The following TRAPPC11 variants were observed in gnomAD, a reference collection of about 807,000 sequenced individuals.
TRAPPC11 encodes the protein foie gras homolog.
A neutral mutation model predicts 151.2 loss-of-function variants in TRAPPC11; 104 were observed. The observed-to-expected ratio is 0.69, with a 90% CI of 0.59 to 0.81. The LOEUF is 0.81. Ranked by LOEUF, TRAPPC11 falls within the 30% of genes least tolerant of loss-of-function variation. The pLI, the probability that TRAPPC11 is intolerant of heterozygous loss-of-function variation, is 0.00. For missense variants in TRAPPC11, 1,230 were observed against 1,349.6 expected (o/e 0.91, Z 1.39); for synonymous variants, 456 against 472.3 (o/e 0.97, Z 0.45).
rs774659497 is a variant in TRAPPC11 at position 183,686,728 on chromosome 4, T to A, written c.1873T>A (p.Cys625Ser). Residue 625 changes from cysteine (C) to serine (S), a missense_variant, in exon 18 of 30, where the codon TGT (cysteine) becomes AGT (serine). Physicochemically the swap from Cys to Ser is moderately radical, Grantham distance 112 (BLOSUM62 -1). Coordinates refer to ENST00000334690, the MANE Select transcript of TRAPPC11 (RefSeq NM_021942.6). ...ACATCCCATTAGGTTTTCCAAGCTC[T>A]GTGTCAGCTTTAATAATCAGGTAAT... ...CPHPIRFSKL[C>S]VSFNNQEYNQ... 1 of 1,614,100 alleles carries A rather than the reference T, an allele frequency of 6.2e-7. No individual in the cohort carries two copies. Among genetic ancestry groups the A allele is most frequent in the Non-Finnish European group, 8.5e-7 (1 of 1,179,950 alleles).
intron 10 of TRAPPC11, among the ~76,000 whole-genome samples, chr4:183,680,771 A>C (rs62357993): frequency 0.12 from 15,938 of 137,684 alleles, 919 homozygotes; most frequent in African/African-American, 0.15. Context: ...TGCATCCTCC[A>C]TCTCTTCATC....
rs1561052960 is a variant in TRAPPC11, at chr4:183,693,589, G to A, written c.2238G>A (p.Met746Ile). Residue 746 changes from methionine (M) to isoleucine (I), a missense_variant and splice_region_variant, in exon 21 of 30, where the codon ATG (methionine) becomes ATA (isoleucine). Met to Ile is a conservative substitution (Grantham distance 10). Transcript: ENST00000334690. ...ACTTAGCTAAGGTTTCTTTTCAAAG[G>A]ATCATATCCAGAGTCCCAAACATTT... ...WDSIIIQAST[M>I]IISRVPNISV... 1 of 1,600,196 alleles carries A rather than the reference G, an allele frequency of 6.2e-7. No homozygotes were observed. Among genetic ancestry groups the A allele is most frequent in the East Asian group, 2.2e-5 (1 of 44,784 alleles).
At chr4:183,665,365 A>G (rs11132204) in intron 2 of TRAPPC11, among the ~76,000 whole-genome samples, 10 of 152,240 alleles carry the variant, frequency 6.6e-5, no homozygotes, top group Non-Finnish European at 1.0e-4. Context: ...AAGTGCTGGG[A>G]TTACAGGCGT....
chr4:183,681,772 C>CA (rs148717952), intron 10 of TRAPPC11, among the ~76,000 whole-genome samples: 48,148 of 121,696 alleles, frequency 0.4, 8,712 homozygotes, highest in African/African-American at 0.55. Context: ...AACTCTGTCT[C>CA]AAAAAGAAAA....
chr4:183,712,702 G>A lies in TRAPPC11; in HGVS notation c.*58G>A, dbSNP rs1737393555. ...AGATGTTGGGCAGAGCTATGCAGGT[G>A]TTTCATTGTGAACTCTAGCTTTGAT... On this transcript the variant is annotated 3_prime_UTR_variant, in exon 30 of 30. Coordinates refer to ENST00000334690, the MANE Select transcript of TRAPPC11 (RefSeq NM_021942.6). 1.3e-6 allele frequency: 2 copies of A among 1,546,038 alleles called. No individual in the cohort carries two copies. Among genetic ancestry groups the A allele is most frequent in the East Asian group, 2.2e-5 (1 of 44,532 alleles).
At chr4:183,690,085 C>G (rs1051247391) in intron 18 of TRAPPC11, among the ~76,000 whole-genome samples, 3 of 152,096 alleles carry the variant, frequency 2.0e-5, no homozygotes. Context: ...TGCCTGTAGT[C>G]TCAGCTACTT....
chr4:183,701,584 CA>C, intron 25 of TRAPPC11, 112 bp from the exon 26 acceptor site: 2 of 712,318 alleles, frequency 2.8e-6, no homozygotes, highest in East Asian at 2.7e-5. Context: ...TAAGTCTCTA[CA>C]AGTAATATAT....
At chr4:183,691,287 A>G (rs1199018409) in intron 18 of TRAPPC11, 29 bp from the exon 19 acceptor site, 4 of 1,436,924 alleles carry the variant, frequency 2.8e-6, no homozygotes, top group Admixed American at 2.1e-5. Flanking sequence ...GACATCTGAC[A>G]TTTGATGACC....
chr4:183,665,257 G>A (rs1419581170), intron 2 of TRAPPC11, among the ~76,000 whole-genome samples: 2 of 151,956 alleles, frequency 1.3e-5, no homozygotes, highest in African/African-American at 4.8e-5. Flanking sequence ...ACCACGTCCA[G>A]CTAATTTTCT....
chr4:183,699,736 A>G (rs1736710389), intron 25 of TRAPPC11, among the ~76,000 whole-genome samples: 1 of 152,158 alleles, frequency 6.6e-6, no homozygotes. Context: ...TCCAGCTTCT[A>G]GAGGTCACCT....
intron 29 of TRAPPC11, among the ~76,000 whole-genome samples, chr4:183,709,551 A>G (rs531945473): frequency 6.6e-6 from 1 of 152,222 alleles, no homozygotes; most frequent in Non-Finnish European, 1.5e-5. Flanking sequence ...CGAGGCGGGC[A>G]GATCATAAGG....
At chr4:183,678,250 A>G (rs575852688) in intron 8 of TRAPPC11, among the ~76,000 whole-genome samples, 14 of 152,166 alleles carry the variant, frequency 9.2e-5, no homozygotes, top group Non-Finnish European at 1.9e-4. Flanking sequence ...GGAAACTTTT[A>G]TACCTACTGT....
At chr4:183,683,200 A>G (rs992177023) in intron 11 of TRAPPC11, among the ~76,000 whole-genome samples, 1 of 151,950 alleles carries the variant, frequency 6.6e-6, no homozygotes, top group African/African-American at 2.4e-5. Flanking sequence ...GTTGTTTTAA[A>G]TGACACATGC....
At position 183,712,654 on chromosome 4, in the gene TRAPPC11, C is replaced by A. The variant is rs373447557; in HGVS notation, c.*10C>A. 6.2e-7 allele frequency: 1 copy of A among 1,614,040 alleles called. No individual in the cohort carries two copies. The highest frequency in any genetic ancestry group is 8.5e-7 in the Non-Finnish European group (1 of 1,179,906). ...TATTGCTGCTGCATGATGTTCAAGA[C>A]CGGCCCTTGGCTGTTGTTACAGAGA... On this transcript the variant is annotated 3_prime_UTR_variant, in exon 30 of 30. Transcript: ENST00000334690.
At chr4:183,669,647 T>C (rs1579164244) in intron 5 of TRAPPC11, among the ~76,000 whole-genome samples, 2 of 152,336 alleles carry the variant, frequency 1.3e-5, no homozygotes, top group East Asian at 3.9e-4. Flanking sequence ...GAGACTTTTA[T>C]GATTGCCATA....
chr4:183,706,278 C>G (rs11939427), intron 27 of TRAPPC11, among the ~76,000 whole-genome samples: 1 of 152,032 alleles, frequency 6.6e-6, no homozygotes, highest in Non-Finnish European at 1.5e-5. Flanking sequence ...AATCCCAGCA[C>G]TTTGGGAGGC....
intron 4 of TRAPPC11, among the ~76,000 whole-genome samples, chr4:183,667,652 G>C (rs1031746142): frequency 6.6e-6 from 1 of 152,118 alleles, no homozygotes; most frequent in Non-Finnish European, 1.5e-5. Context: ...TTTTGTTTCT[G>C]TGTTGAAACT....
At chr4:183,670,182 C>CT (rs1735085418) in intron 5 of TRAPPC11, among the ~76,000 whole-genome samples, 2 of 152,114 alleles carry the variant, frequency 1.3e-5, no homozygotes, top group African/African-American at 2.4e-5. Context: ...CTTTCAGAGC[C>CT]TTTCGAGGTA....
At chr4:183,704,053 G>C (rs190347784) in intron 26 of TRAPPC11, among the ~76,000 whole-genome samples, 50 of 152,272 alleles carry the variant, frequency 3.3e-4, no homozygotes, top group Middle Eastern at 3.4e-3. Flanking sequence ...AGAAAGTCTT[G>C]CTACCAAAAC....
Sources: allele counts gnomAD v4.1 joint callset (sites outside exome capture counted in the v4.1 genomes callset), GRCh38; gene constraint gnomAD v4.1.1; transcripts MANE v1.5; gene names NCBI Gene and HGNC (gene_info 2026-07-23, HGNC 2026-07-21).